RTN4RL1: variants seen among roughly 807,000 people sequenced by gnomAD.
RTN4RL1 encodes reticulon-4 receptor-like 1.
In RTN4RL1, 7 loss-of-function variants were observed where a neutral mutation model predicts 25.6. The ratio of observed to expected loss-of-function variants is 0.27; its 90% CI spans 0.16 to 0.51. The LOEUF (loss-of-function observed/expected upper bound fraction) is 0.51, where lower values mean the gene tolerates loss of function less well. Among genes scored for constraint, RTN4RL1 ranks in the 20% least tolerant of loss-of-function variants. The pLI is 0.97. For synonymous variants in RTN4RL1, 297 were observed against 288.2 expected (o/e 1.03, Z -0.31); for missense variants, 500 against 615.6 (o/e 0.81, Z 1.99).
At chr17:1,945,662 C>G (rs750004790) in intron 1 of RTN4RL1, among the ~76,000 whole-genome samples, 1 of 152,194 alleles carries the variant, frequency 6.6e-6, no homozygotes, top group African/African-American at 2.4e-5. Context: ...CCCTGCTTCA[C>G]TTTACCCCAC....
At chr17:1,997,692 G>A (rs1221502946) in intron 1 of RTN4RL1, among the ~76,000 whole-genome samples, 2 of 152,198 alleles carry the variant, frequency 1.3e-5, no homozygotes, top group African/African-American at 4.8e-5. Context: ...CACCTCGCCA[G>A]CCTCCCTCTA....
chr17:1,995,663 C>T (rs1567519597), intron 1 of RTN4RL1: 1 of 152,234 alleles, frequency 6.6e-6, no homozygotes, highest in African/African-American at 2.4e-5. Context: ...GGATCATTAT[C>T]ATCCCCCTCA....
At chr17:2,005,579 G>A (rs1474841733) in intron 1 of RTN4RL1, among the ~76,000 whole-genome samples, 1 of 151,996 alleles carries the variant, frequency 6.6e-6, no homozygotes, top group Non-Finnish European at 1.5e-5. Context: ...GAGGCCACAG[G>A]GCTCATGGCT....
At chr17:2,024,261 G>A (rs948396506) in intron 1 of RTN4RL1, among the ~76,000 whole-genome samples, 1 of 152,224 alleles carries the variant, frequency 6.6e-6, no homozygotes, top group Non-Finnish European at 1.5e-5. Context: ...CCAGCATAAT[G>A]AAAGTTTGAG....
Position 2,024,998 on chromosome 17 carries a change from G to T in RTN4RL1, c.-133C>A. ...GGGGGCAAGCCGGGGATCCGCTCGT[G>T]CCCGGTGGCCCGGCCCCGCAGGGGC... On this transcript the variant is annotated 5_prime_UTR_variant, in exon 1 of 2. Coordinates refer to ENST00000331238, the MANE Select transcript of RTN4RL1 (RefSeq NM_178568.4). The T allele has an allele frequency of 1.1e-6, 1 of 919,266 alleles. No individual in the cohort carries two copies. The highest frequency in any genetic ancestry group is 1.6e-6 in the Non-Finnish European group (1 of 622,550). 56.9% of individuals were successfully genotyped at this position (919,266 alleles called of 1,614,324 possible). A position where few individuals can be genotyped will look rare whatever the true frequency, so the allele number is the denominator to read the frequency against.
Position 1,936,335 on chromosome 17 carries a change from T to A in RTN4RL1, c.*161A>T. 1 of 1,426,350 alleles carries A rather than the reference T, an allele frequency of 7.0e-7. No homozygotes were observed. The highest frequency in any genetic ancestry group is 1.5e-5 in the South Asian group (1 of 66,042). 88.4% of individuals were successfully genotyped at this position (1,426,350 alleles called of 1,614,324 possible). On this transcript the variant is annotated 3_prime_UTR_variant, in exon 2 of 2. Coordinates refer to ENST00000331238, the MANE Select transcript of RTN4RL1 (RefSeq NM_178568.4). ...CGCCTAGGGCTGTACACTTTGGGTT[T>A]ATAATCCACATGGCAGGGTCCAGAC...
chr17:2,009,869 C>T lies in RTN4RL1; in HGVS notation c.13+14984G>A, dbSNP rs1208566518. ...CTCCACAGGCCACAACACAGAATGC[C>T]GGCCCTGTCCACAGCCCCAGCCACG... On this transcript the variant is annotated intron_variant, in intron 1 of 1. Coordinates refer to ENST00000331238, the MANE Select transcript of RTN4RL1 (RefSeq NM_178568.4). 3.9e-5 allele frequency among the ~76,000 whole-genome samples: 5 copies of T among 128,486 alleles called. 1 individual carries two copies. Among genetic ancestry groups the T allele is most frequent in the African/African-American group, 1.5e-4 (5 of 33,676 alleles). The allele number at this position is 128,486 out of a possible 152,430, so 84.3% of individuals were successfully genotyped here. A position where few individuals can be genotyped will look rare whatever the true frequency, so the allele number is the denominator to read the frequency against.
At chr17:1,996,956 A>G (rs2066931959) in intron 1 of RTN4RL1, among the ~76,000 whole-genome samples, 1 of 152,158 alleles carries the variant, frequency 6.6e-6, no homozygotes, top group Admixed American at 6.5e-5. Flanking sequence ...TGGCCACTTC[A>G]GTCATAACCC....
chr17:1,965,000 G>C (rs2066783768), intron 1 of RTN4RL1, among the ~76,000 whole-genome samples: 1 of 141,386 alleles, frequency 7.1e-6, no homozygotes, highest in African/African-American at 2.6e-5. Context: ...TATTGGTCAG[G>C]CTGGTCTTGA....
At chr17:2,010,762 C>T (rs1162909582) in intron 1 of RTN4RL1, among the ~76,000 whole-genome samples, 2 of 151,624 alleles carry the variant, frequency 1.3e-5, no homozygotes, top group African/African-American at 4.8e-5. Flanking sequence ...ACAAACAAAG[C>T]ACTTTGTAGA....
chr17:1,974,117 A>C (rs2066832491), intron 1 of RTN4RL1, among the ~76,000 whole-genome samples: 1 of 151,470 alleles, frequency 6.6e-6, no homozygotes, highest in Admixed American at 6.6e-5. Context: ...CCACACATGG[A>C]AACTGTTTAA....
rs1010454123 is a variant in RTN4RL1, at chr17:1,991,379, T to TACA, written c.13+33473_13+33474insTGT. Among the ~76,000 whole-genome samples, 4 of 147,644 alleles carry TACA rather than the reference T, an allele frequency of 2.7e-5. No homozygotes were observed. In the Admixed American group the frequency reaches 2.8e-4, roughly 10 times the overall value. ...GGACTGAGAAGCCAGATAAAGCCTG[T>TACA]GAGTTTGTTTTTTTTTGAACCTCCC... is the stretch of plus-strand genomic sequence containing the variant. On this transcript the variant is annotated intron_variant, in intron 1 of 1. Transcript: ENST00000331238.
intron 1 of RTN4RL1, among the ~76,000 whole-genome samples, chr17:1,995,375 G>A (rs1041243951): frequency 1.3e-5 from 2 of 150,018 alleles, no homozygotes; most frequent in African/African-American, 4.9e-5. Flanking sequence ...GCAGTGAGCC[G>A]AGATTGCGCC....
chr17:1,963,246 G>A (rs937559316), intron 1 of RTN4RL1, among the ~76,000 whole-genome samples: 1 of 152,194 alleles, frequency 6.6e-6, no homozygotes, highest in Admixed American at 6.5e-5. Context: ...GCCCCTCTGG[G>A]CGTAGAGCTG....
At chr17:1,954,724 G>A (rs536188112) in intron 1 of RTN4RL1, among the ~76,000 whole-genome samples, 47 of 152,256 alleles carry the variant, frequency 3.1e-4, no homozygotes, top group African/African-American at 1.1e-3. Flanking sequence ...CAGAGGCGCA[G>A]CACTGCTGCG....
In RTN4RL1 at chr17:2,012,066, C is replaced by T. The variant is rs2067056891; in HGVS notation, c.13+12787G>A. On this transcript the variant is annotated intron_variant, in intron 1 of 1. Coordinates refer to ENST00000331238, the MANE Select transcript of RTN4RL1 (RefSeq NM_178568.4). The stretch of plus-strand genomic sequence containing the variant: ...AGGCAGCGTCTTCTCACCCCAGGCA[C>T]CACCCGAGCTCAGCTTCCTCTGGCA... Among the ~76,000 whole-genome samples, 2 of 152,194 alleles carry T rather than the reference C, an allele frequency of 1.3e-5. 1 individual carries two copies. Among genetic ancestry groups the T allele is most frequent in the South Asian group, 4.1e-4 (2 of 4,824 alleles).
At chr17:2,019,054 C>T (rs1320335541) in intron 1 of RTN4RL1, 2 of 152,272 alleles carry the variant, frequency 1.3e-5, no homozygotes, top group East Asian at 3.8e-4. Flanking sequence ...CCTCGACATC[C>T]CTGGAGGCCC....
chr17:1,978,470 G>T (rs1353808116), intron 1 of RTN4RL1, among the ~76,000 whole-genome samples: 1 of 152,268 alleles, frequency 6.6e-6, no homozygotes, highest in Non-Finnish European at 1.5e-5. Flanking sequence ...CAGCCATCCA[G>T]GCGGAAGCGC....
chr17:2,006,755 G>A (rs1425759718), intron 1 of RTN4RL1, among the ~76,000 whole-genome samples: 1 of 152,234 alleles, frequency 6.6e-6, no homozygotes, highest in Non-Finnish European at 1.5e-5. Context: ...TGAGTAGCTA[G>A]GATTACAGGC....
Sources: gnomAD v4.1 joint callset for allele counts (sites outside exome capture counted in the v4.1 genomes callset) on GRCh38, gnomAD v4.1.1 for gene constraint, MANE v1.5 for transcripts, NCBI Gene and HGNC (gene_info 2026-07-23, HGNC 2026-07-21) for gene names.